Variants in RTN1 observed in about 807,000 individuals in gnomAD.
The protein encoded by RTN1 is reticulon 1.
RTN1 carries 25 observed loss-of-function variants against 65.5 expected under a neutral mutation model. That is an observed-to-expected ratio of 0.38 (90% confidence interval 0.28 to 0.53). The LOEUF (loss-of-function observed/expected upper bound fraction) is 0.53. Among genes scored for constraint, RTN1 ranks in the 20% least tolerant of loss-of-function variants. The probability of loss-of-function intolerance (pLI) is 0.79; values close to 1 mark genes in which losing one functional copy is unlikely to be tolerated. For synonymous variants in RTN1, 471 were observed against 447.6 expected (o/e 1.05, Z -0.66); for missense variants, 983 against 1,025.4 (o/e 0.96, Z 0.57).
intron 3 of RTN1, among the ~76,000 whole-genome samples, chr14:59,621,715 A>G (rs2140176942): frequency 6.6e-6 from 1 of 152,362 alleles, no homozygotes; most frequent in South Asian, 2.1e-4. Flanking sequence ...TCAAATTTCT[A>G]GAAAGAAAGT....
intron 1 of RTN1, among the ~76,000 whole-genome samples, chr14:59,863,252 T>C (rs1359838445): frequency 6.6e-6 from 1 of 152,168 alleles, no homozygotes; most frequent in Non-Finnish European, 1.5e-5. Flanking sequence ...TCCATACAGT[T>C]ACCTCTTATT....
intron 1 of RTN1, among the ~76,000 whole-genome samples, chr14:59,814,826 T>C (rs1886792317): frequency 6.6e-6 from 1 of 152,242 alleles, no homozygotes; most frequent in South Asian, 2.1e-4. Context: ...CCAAATTCTC[T>C]CTGGGATAAT....
At position 59,774,773 on chromosome 14, in the gene RTN1, A is replaced by G. The variant is rs1469884337; in HGVS notation, c.242-28292T>C. Among the ~76,000 whole-genome samples the G allele has an allele frequency of 6.6e-6, 1 of 152,170 alleles. No individual in the cohort carries two copies. Among genetic ancestry groups the G allele is most frequent in the Non-Finnish European group, 1.5e-5 (1 of 68,014 alleles). ...AGGAGTGGTATGGTAAAATCAGCCA[A>G]CAGCCAACTCACAACATCTCCCCAA... On this transcript the variant is annotated intron_variant, in intron 1 of 8. Transcript: ENST00000267484. This position sits in a 1 kb window ranked among gnomAD's most constrained non-coding sequence, Gnocchi z 5.1.
At chr14:59,763,531 CTTTT>C (rs567181046) in intron 1 of RTN1, among the ~76,000 whole-genome samples, 2 of 127,390 alleles carry the variant, frequency 1.6e-5, no homozygotes, top group Admixed American at 8.2e-5. Context: ...AATTTTCTTT[CTTTT>C]TTTTTTTTTT....
At chr14:59,859,569 A>G (rs111425039) in intron 1 of RTN1, among the ~76,000 whole-genome samples, 2 of 152,212 alleles carry the variant, frequency 1.3e-5, no homozygotes, top group African/African-American at 4.8e-5. Context: ...GAAAACATGA[A>G]AAGATACTGA....
chr14:59,674,632 A>G (rs1321797831), intron 3 of RTN1, among the ~76,000 whole-genome samples: 1 of 152,230 alleles, frequency 6.6e-6, no homozygotes, highest in Non-Finnish European at 1.5e-5. Flanking sequence ...GAAACCAAAC[A>G]TAAAGGCTGT....
intron 1 of RTN1, among the ~76,000 whole-genome samples, chr14:59,796,365 T>G (rs183195931): frequency 6.6e-6 from 1 of 152,302 alleles, no homozygotes; most frequent in East Asian, 1.9e-4. Context: ...AGCCCCGTGC[T>G]TAATGCATGA....
In RTN1 at chr14:59,852,829, T is replaced by C. The variant is rs187944936; in HGVS notation, c.241+17561A>G. ...TACAACAAAATTTATGGAATGCAGA[T>C]CTTTTGCCTGATTTAGACTGCTCTT... On this transcript the variant is annotated intron_variant, in intron 1 of 8. Coordinates refer to ENST00000267484, the MANE Select transcript of RTN1 (RefSeq NM_021136.3). Among the ~76,000 whole-genome samples, 6 of 152,346 alleles carry C rather than the reference T, an allele frequency of 3.9e-5. No homozygotes were observed. The East Asian group carries it at 1.2e-3, about 29-fold the overall frequency.
intron 1 of RTN1, among the ~76,000 whole-genome samples, chr14:59,805,990 C>G (rs184660024): frequency 1.2e-3 from 182 of 152,182 alleles, no homozygotes; most frequent in Non-Finnish European, 1.9e-3. Flanking sequence ...GTAATCCCCC[C>G]ACTTTGGGAG....
intron 3 of RTN1, among the ~76,000 whole-genome samples, chr14:59,679,100 A>T (rs1883689656): frequency 2.0e-5 from 3 of 152,208 alleles, no homozygotes; most frequent in Non-Finnish European, 4.4e-5. Context: ...AAGACTGGGA[A>T]CAGGTAGGAA....
chr14:59,689,356 C>A (rs116609255), intron 3 of RTN1, among the ~76,000 whole-genome samples: 14 of 152,116 alleles, frequency 9.2e-5, no homozygotes, highest in African/African-American at 3.4e-4. Context: ...TCTGCAGAGA[C>A]GGAAAGTCAA....
intron 3 of RTN1, among the ~76,000 whole-genome samples, chr14:59,668,889 T>C (rs1883439582): frequency 6.6e-6 from 1 of 151,870 alleles, no homozygotes; most frequent in Non-Finnish European, 1.5e-5. Flanking sequence ...GAAATACAAA[T>C]CAGAACCACA....
chr14:59,851,794 T>C (rs528641097), intron 1 of RTN1, among the ~76,000 whole-genome samples: 2 of 150,454 alleles, frequency 1.3e-5, no homozygotes, highest in Admixed American at 6.6e-5. Context: ...GAGGTGGAGG[T>C]TGCAGTGAGC....
intron 1 of RTN1, among the ~76,000 whole-genome samples, chr14:59,814,894 T>C (rs537870423): frequency 8.5e-5 from 13 of 152,346 alleles, no homozygotes; most frequent in African/African-American, 3.1e-4. Flanking sequence ...TTCTCATATA[T>C]AATATTTTGG....
At chr14:59,694,896 C>CCAA (rs1364058995) in intron 3 of RTN1, among the ~76,000 whole-genome samples, 1 of 152,180 alleles carries the variant, frequency 6.6e-6, no homozygotes, top group African/African-American at 2.4e-5. Flanking sequence ...AACTGGGAAA[C>CCAA]CCTTCAAGAG....
In RTN1 at chr14:59,634,958, G is replaced by A. The variant is rs188648268; in HGVS notation, c.1766-27466C>T. ...CTGAGTAGTAATACTGGCAGTAAAT[G>A]AGGGAGACACTGAAGGGTTTTGAGA... On this transcript the variant is annotated intron_variant, in intron 3 of 8. Coordinates refer to ENST00000267484, the MANE Select transcript of RTN1 (RefSeq NM_021136.3). Among the ~76,000 whole-genome samples, 9 of 152,296 alleles carry A rather than the reference G, an allele frequency of 5.9e-5. No individual in the cohort carries two copies. In the East Asian group the frequency reaches 1.7e-3, roughly 29 times the overall value.
At position 59,824,131 on chromosome 14, in the gene RTN1, C is replaced by T. The variant is rs146661105; in HGVS notation, c.241+46259G>A. Among the ~76,000 whole-genome samples the T allele has an allele frequency of 7.8e-4, 118 of 152,244 alleles. 1 individual carries two copies. In the East Asian group the frequency reaches 0.021, roughly 27 times the overall value. The stretch of plus-strand genomic sequence containing the variant: ...TGTTCTTAAAACGCTGAACCCAATA[C>T]CTGGATGTAGTAAAGATTCAATAGA... On this transcript the variant is annotated intron_variant, in intron 1 of 8. Coordinates refer to ENST00000267484, the MANE Select transcript of RTN1 (RefSeq NM_021136.3).
chr14:59,759,575 G>A (rs11623439), intron 1 of RTN1, among the ~76,000 whole-genome samples: 56,036 of 151,604 alleles, frequency 0.37, 10,470 homozygotes, highest in Admixed American at 0.44. Flanking sequence ...CTTTAGTCCC[G>A]GTTTCGTCTT....
chr14:59,749,674 TA>T lies in RTN1; in HGVS notation c.242-3194del, dbSNP rs1469035560. On this transcript the variant is annotated intron_variant, in intron 1 of 8. Coordinates refer to ENST00000267484, the MANE Select transcript of RTN1 (RefSeq NM_021136.3). Reference sequence around the variant, plus strand: ...TTATATAGATATCTATATATATTTATATATCTATATATTTACATATATATCT... The same window carrying T: ...TTATATAGATATCTATATATATTTATTATCTATATATTTACATATATATCT... Among the ~76,000 whole-genome samples, 5 of 85,114 alleles carry T rather than the reference TA, an allele frequency of 5.9e-5. 1 individual carries two copies. The highest frequency in any genetic ancestry group is 2.6e-4 in the African/African-American group (5 of 19,464). 55.8% of individuals were successfully genotyped at this position (85,114 alleles called of 152,430 possible). A position where few individuals can be genotyped will look rare whatever the true frequency, so the allele number is the denominator to read the frequency against.
Sources: gnomAD v4.1 joint callset for allele counts (sites outside exome capture counted in the v4.1 genomes callset) on GRCh38, gnomAD v4.1.1 for gene constraint, Gnocchi (gnomAD v3.1) non-coding constraint, MANE v1.5 for transcripts, NCBI Gene and HGNC (gene_info 2026-07-23, HGNC 2026-07-21) for gene names.